KDM4C: variants seen among roughly 807,000 people sequenced by gnomAD.
The protein encoded by KDM4C is lysine demethylase 4C, also known as lysine-specific demethylase 4C.
Under a neutral mutation model 129.3 loss-of-function variants are expected in KDM4C, and 81 were observed. The ratio of observed to expected loss-of-function variants is 0.63; its 90% CI spans 0.52 to 0.75. The LOEUF is 0.75. Ranked by LOEUF, KDM4C falls within the 30% of genes least tolerant of loss-of-function variation. The pLI, the probability that KDM4C is intolerant of heterozygous loss-of-function variation, is 0.00. For synonymous variants in KDM4C, 573 were observed against 456.1 expected (o/e 1.26, Z -3.26); for missense variants, 1,457 against 1,304.0 (o/e 1.12, Z -1.81).
At chr9:7,000,088 G>T (rs1272691403) in intron 12 of KDM4C, among the ~76,000 whole-genome samples, 2 of 152,152 alleles carry the variant, frequency 1.3e-5, no homozygotes, top group African/African-American at 2.4e-5. Context: ...AACATTAGAT[G>T]TTGTTGGCAT....
chr9:6,939,804 G>A (rs76470413), intron 8 of KDM4C, among the ~76,000 whole-genome samples: 11,894 of 152,170 alleles, frequency 0.078, 617 homozygotes, highest in African/African-American at 0.14. Flanking sequence ...AAGTGATTCC[G>A]TCCCTCTCTT....
chr9:7,102,621 C>G (rs773304111), intron 17 of KDM4C, among the ~76,000 whole-genome samples: 1 of 152,038 alleles, frequency 6.6e-6, no homozygotes, highest in Non-Finnish European at 1.5e-5. Context: ...TGTGAGGACA[C>G]GAAGAGTTAG....
chr9:6,933,232 C>G (rs1824090836), intron 8 of KDM4C, among the ~76,000 whole-genome samples: 1 of 152,148 alleles, frequency 6.6e-6, no homozygotes. Flanking sequence ...TTTCAAAAGC[C>G]TTTAGTAGAA....
Position 6,812,205 on chromosome 9 carries a change from C to G in KDM4C, c.321-2426C>G, listed in dbSNP as rs141334583. On this transcript the variant is annotated intron_variant, in intron 3 of 21. Transcript: ENST00000381309. Reference sequence around the variant, plus strand: ...TGAGCCGAGATCATGCCACCGCACTCCAGCCTGGGTGACAGAACAAGACTC... The same window carrying G: ...TGAGCCGAGATCATGCCACCGCACTGCAGCCTGGGTGACAGAACAAGACTC... Among the ~76,000 whole-genome samples the G allele has an allele frequency of 3.7e-3, 557 of 151,534 alleles. 3 individuals carry two copies. Among genetic ancestry groups the G allele is most frequent in the African/African-American group, 0.013 (536 of 41,260 alleles).
chr9:6,740,988 C>G (rs2130259587), intron 1 of KDM4C, among the ~76,000 whole-genome samples: 1 of 151,496 alleles, frequency 6.6e-6, no homozygotes, highest in South Asian at 2.1e-4. Context: ...CCATGCCTGG[C>G]TAATTTTTGT....
intron 17 of KDM4C, among the ~76,000 whole-genome samples, chr9:7,093,101 A>G (rs1370143666): frequency 6.6e-6 from 1 of 152,162 alleles, no homozygotes; most frequent in African/African-American, 2.4e-5. Flanking sequence ...CATGACAGAA[A>G]AAGAACATTT....
rs1821936566 is a variant in KDM4C, at chr9:6,771,960, T to A, written c.-18+13757T>A. Among the ~76,000 whole-genome samples the A allele has an allele frequency of 2.6e-5, 4 of 152,280 alleles. No individual in the cohort carries two copies. The South Asian group carries it at 8.3e-4, about 32-fold the overall frequency. On this transcript the variant is annotated intron_variant, in intron 1 of 21. Coordinates refer to ENST00000381309, the MANE Select transcript of KDM4C (RefSeq NM_015061.6). Reference sequence around the variant, plus strand: ...AAGCCTCTCCCCATTCCAGCCCCCCTGAGGGAGACAGTGCAAGCCCAGCAG... The same window carrying A: ...AAGCCTCTCCCCATTCCAGCCCCCCAGAGGGAGACAGTGCAAGCCCAGCAG...
intron 4 of KDM4C, among the ~76,000 whole-genome samples, chr9:6,823,741 C>G (rs941025323): frequency 1.9e-4 from 29 of 152,176 alleles, no homozygotes; most frequent in African/African-American, 6.8e-4. Context: ...TTTTCAAAAT[C>G]TTGAGTCACA....
intron 17 of KDM4C, among the ~76,000 whole-genome samples, chr9:7,089,531 A>C (rs963888854): frequency 4.6e-5 from 7 of 152,238 alleles, no homozygotes; most frequent in Non-Finnish European, 7.3e-5. Context: ...GGGAAGTCAT[A>C]ACTTCACTTC....
At chr9:6,830,348 C>T (rs926036995) in intron 4 of KDM4C, among the ~76,000 whole-genome samples, 5 of 152,118 alleles carry the variant, frequency 3.3e-5, no homozygotes, top group Non-Finnish European at 7.4e-5. Flanking sequence ...GCAGGTCTGG[C>T]TGAGATGAGG....
chr9:6,940,172 C>T (rs1330552341), intron 8 of KDM4C, among the ~76,000 whole-genome samples: 1 of 151,996 alleles, frequency 6.6e-6, no homozygotes, highest in Non-Finnish European at 1.5e-5. Context: ...GCTATTGCAA[C>T]CTCTACTTCC....
In KDM4C at chr9:7,081,571, T is replaced by G. The variant is rs184504157; in HGVS notation, c.2425-22114T>G. On this transcript the variant is annotated intron_variant, in intron 17 of 21. Transcript: ENST00000381309. ...TTGACTGAAAATGTCTCCAGTAGTG[T>G]GTTCCTGGCATTCCACTTTGAAGAT... Among the ~76,000 whole-genome samples, 111 of 152,308 alleles carry G rather than the reference T, an allele frequency of 7.3e-4. 2 individuals carry two copies. The highest frequency in any genetic ancestry group is 4.2e-3 in the Admixed American group (64 of 15,304).
At chr9:6,775,776 C>T (rs1442964562) in intron 1 of KDM4C, among the ~76,000 whole-genome samples, 1 of 152,166 alleles carries the variant, frequency 6.6e-6, no homozygotes, top group Non-Finnish European at 1.5e-5. Context: ...CCTGCCTCGG[C>T]CTCCCAAAGT....
intron 4 of KDM4C, among the ~76,000 whole-genome samples, chr9:6,828,744 G>C (rs1042579546): frequency 1.3e-5 from 2 of 151,976 alleles, no homozygotes; most frequent in East Asian, 3.9e-4. Flanking sequence ...GGTGACACAT[G>C]CCTGTAATCC....
intron 1 of KDM4C, among the ~76,000 whole-genome samples, chr9:6,762,753 G>A (rs980355407): frequency 1.5e-4 from 23 of 151,114 alleles, no homozygotes; most frequent in Non-Finnish European, 2.9e-4. Context: ...CCACCTCCTG[G>A]GTTCAAGCGA....
At chr9:6,784,999 A>G (rs542115234) in intron 1 of KDM4C, among the ~76,000 whole-genome samples, 1 of 152,320 alleles carries the variant, frequency 6.6e-6, no homozygotes, top group South Asian at 2.1e-4. Context: ...TAAAGCTAAG[A>G]TTGGAGAACG....
intron 17 of KDM4C, among the ~76,000 whole-genome samples, chr9:7,049,768 A>T (rs1038046207): frequency 6.6e-6 from 1 of 152,120 alleles, no homozygotes; most frequent in Admixed American, 6.6e-5. Context: ...AGCATTTTTC[A>T]TTGAAAATAT....
intron 8 of KDM4C, chr9:6,925,488 T>C: frequency 1.3e-6 from 1 of 756,080 alleles, no homozygotes; most frequent in Non-Finnish European, 1.6e-6. Context: ...TAAGGACATA[T>C]TCTCACCATC....
chr9:6,807,048 G>A (rs1301004643), intron 3 of KDM4C, among the ~76,000 whole-genome samples: 3 of 152,060 alleles, frequency 2.0e-5, no homozygotes, highest in East Asian at 1.9e-4. Context: ...GCAGGCACGC[G>A]CCGCCACGCC....
Sources: allele counts gnomAD v4.1 joint callset (sites outside exome capture counted in the v4.1 genomes callset), GRCh38; gene constraint gnomAD v4.1.1; transcripts MANE v1.5; gene names NCBI Gene and HGNC (gene_info 2026-07-23, HGNC 2026-07-21).